ZMAT3: variants seen among roughly 807,000 people sequenced by gnomAD.
The protein encoded by ZMAT3 is zinc finger matrin-type 3.
Under a neutral mutation model 32.3 loss-of-function variants are expected in ZMAT3, and 17 were observed. The ratio of observed to expected loss-of-function variants is 0.53; its 90% CI spans 0.36 to 0.79. The LOEUF (loss-of-function observed/expected upper bound fraction) is 0.79, where lower values mean the gene tolerates loss of function less well. ZMAT3 is among the 30% of genes least tolerant of loss of function. ZMAT3 has a pLI of 0.00. For missense variants in ZMAT3, 329 were observed against 359.7 expected (o/e 0.91, Z 0.69); for synonymous variants, 120 against 133.1 (o/e 0.90, Z 0.68).
intron 2 of ZMAT3, among the ~76,000 whole-genome samples, chr3:179,060,126 T>G (rs1056121153): frequency 6.6e-6 from 1 of 152,072 alleles, no homozygotes; most frequent in African/African-American, 2.4e-5. Flanking sequence ...GTTTTCACTC[T>G]ATTTCACTCT....
At position 179,023,689 on chromosome 3, in the gene ZMAT3, A is replaced by AATATATAAATATATATATATATAT. The variant is rs1232846996; in HGVS notation, c.*1327_*1328insATATATATATATATATTTATATAT. On this transcript the variant is annotated 3_prime_UTR_variant, in exon 6 of 6. Coordinates refer to ENST00000311417, the MANE Select transcript of ZMAT3 (RefSeq NM_022470.4). The stretch of plus-strand genomic sequence containing the variant: ...CTTTGTTTCCTAAAAACTGCTGGAA[A>AATATATAAATATATATATATATAT]ATATATCTATATATATATATATTTT... 1.7e-3 allele frequency: 70 copies of AATATATAAATATATATATATATAT among 42,260 alleles called. 11 individuals are homozygous for AATATATAAATATATATATATATAT. The highest frequency in any genetic ancestry group is 8.2e-3 in the African/African-American group (61 of 7,448). 2.6% of individuals were successfully genotyped at this position (42,260 alleles called of 1,614,324 possible).
rs1267428712 is a variant in ZMAT3 at position 179,024,546 on chromosome 3, G to A, written c.*471C>T. The A allele has an allele frequency of 1.2e-5, 2 of 161,766 alleles. No homozygotes were observed. Among genetic ancestry groups the A allele is most frequent in the South Asian group, 1.7e-4 (1 of 6,002 alleles). 10.0% of individuals were successfully genotyped at this position (161,766 alleles called of 1,614,324 possible). A position where few individuals can be genotyped will look rare whatever the true frequency, so the allele number is the denominator to read the frequency against. The stretch of plus-strand genomic sequence containing the variant: ...ATGTATTCTACTGACAATGCATTGA[G>A]GTGGCGGTTCTGGTTAAGCCCTGGG... On this transcript the variant is annotated 3_prime_UTR_variant, in exon 6 of 6. Transcript: ENST00000311417.
chr3:179,048,234 T>C (rs1255224508), intron 2 of ZMAT3, among the ~76,000 whole-genome samples: 1 of 152,186 alleles, frequency 6.6e-6, no homozygotes, highest in African/African-American at 2.4e-5. Flanking sequence ...TTGCAAAACA[T>C]ATTTGAGGGA....
chr3:179,050,120 T>G (rs1169651471), intron 2 of ZMAT3, among the ~76,000 whole-genome samples: 1 of 143,736 alleles, frequency 7.0e-6, no homozygotes, highest in African/African-American at 2.6e-5. Flanking sequence ...AAAGAAATAG[T>G]CAAGATCAGA....
intron 1 of ZMAT3, among the ~76,000 whole-genome samples, chr3:179,070,352 GA>G (rs1300286181): frequency 6.6e-6 from 1 of 152,106 alleles, no homozygotes; most frequent in Non-Finnish European, 1.5e-5. Context: ...CTGATTTAAA[GA>G]AAAAATTCTT....
chr3:179,047,664 C>T (rs2108565292), intron 2 of ZMAT3, among the ~76,000 whole-genome samples: 1 of 151,306 alleles, frequency 6.6e-6, no homozygotes, highest in East Asian at 2.0e-4. Context: ...ACCAGCCTGA[C>T]CAACATGGTG....
At position 179,071,595 on chromosome 3, in the gene ZMAT3, C is replaced by G. The variant is rs1168260887; in HGVS notation, c.-58G>C. Reference sequence around the variant, plus strand: ...GCGGCTCCCAATCGCCCGCACTTACCGGAACCCCCGGGACGCGCCGGCAGT... The same window carrying G: ...GCGGCTCCCAATCGCCCGCACTTACGGGAACCCCCGGGACGCGCCGGCAGT... On this transcript the variant is annotated splice_region_variant and 5_prime_UTR_variant, in exon 1 of 6. Coordinates refer to ENST00000311417, the MANE Select transcript of ZMAT3 (RefSeq NM_022470.4). 4 of 152,146 alleles carry G rather than the reference C, an allele frequency of 2.6e-5. No individual in the cohort carries two copies. Among genetic ancestry groups the G allele is most frequent in the African/African-American group, 7.2e-5 (3 of 41,440 alleles). 9.4% of individuals were successfully genotyped at this position (152,146 alleles called of 1,614,324 possible).
At chr3:179,065,863 G>A (rs548860440) in intron 2 of ZMAT3, among the ~76,000 whole-genome samples, 13 of 152,102 alleles carry the variant, frequency 8.5e-5, no homozygotes, top group Middle Eastern at 3.4e-3. Context: ...CCAAGATCGC[G>A]CCACTGCACT....
chr3:179,020,853 GATGT>G lies in ZMAT3; in HGVS notation c.*4160_*4163del, dbSNP rs1718508306. Reference sequence around the variant, plus strand: ...CCCAGCCAATTCAAGAGTGAAGGAAGATGTAACCAGACATACATATCTCCCTTTC... The same window carrying G: ...CCCAGCCAATTCAAGAGTGAAGGAAGAACCAGACATACATATCTCCCTTTC... On this transcript the variant is annotated 3_prime_UTR_variant, in exon 6 of 6. Transcript: ENST00000311417. The G allele has an allele frequency of 6.6e-6, 1 of 152,234 alleles. No homozygotes were observed. The highest frequency in any genetic ancestry group is 2.4e-5 in the African/African-American group (1 of 41,466). The allele number at this position is 152,234 out of a possible 1,614,324, so 9.4% of individuals were successfully genotyped here.
chr3:179,040,923 G>A (rs1416854508), intron 2 of ZMAT3, among the ~76,000 whole-genome samples: 1 of 149,052 alleles, frequency 6.7e-6, no homozygotes, highest in Non-Finnish European at 1.5e-5. Flanking sequence ...AAAAGCAGGG[G>A]TAACAATCCT....
intron 2 of ZMAT3, among the ~76,000 whole-genome samples, chr3:179,053,184 T>C (rs1242779193): frequency 6.6e-6 from 1 of 150,836 alleles, no homozygotes; most frequent in Non-Finnish European, 1.5e-5. Context: ...GGTATAGATA[T>C]AGAATATCTA....
chr3:179,042,835 A>C (rs772720213), intron 2 of ZMAT3, among the ~76,000 whole-genome samples: 18 of 152,218 alleles, frequency 1.2e-4, no homozygotes, highest in Non-Finnish European at 2.6e-4. Context: ...CCATTGTCTC[A>C]GCCCAAAATC....
At position 179,030,915 on chromosome 3, in the gene ZMAT3, G is replaced by C. The variant is rs1719148294; in HGVS notation, c.355C>G (p.Pro119Ala). The change falls in exon 3 of 6, where the codon CCT becomes GCT. Residue 119 changes from proline (P) to alanine (A), a missense_variant. Pro to Ala is a conservative substitution (Grantham distance 27, BLOSUM62 -1). Coordinates refer to ENST00000311417, the MANE Select transcript of ZMAT3 (RefSeq NM_022470.4). ...PPARMSNVVE[P>A]AATPVVPVPP... Reference sequence around the variant, plus strand: ...ACTGGAACAACTGGAGTAGCTGCAGGCTCGACCACATTGCTCATTCTAGCA... The same window carrying C: ...ACTGGAACAACTGGAGTAGCTGCAGCCTCGACCACATTGCTCATTCTAGCA... 1.9e-6 allele frequency: 3 copies of C among 1,613,668 alleles called. No homozygotes were observed. The highest frequency in any genetic ancestry group is 3.3e-5 in the Admixed American group (2 of 59,964).
At chr3:179,049,759 A>G (rs1209486017) in intron 2 of ZMAT3, among the ~76,000 whole-genome samples, 1 of 152,084 alleles carries the variant, frequency 6.6e-6, no homozygotes, top group Non-Finnish European at 1.5e-5. Context: ...TTGGGAGGCC[A>G]AGGCAGGCGG....
intron 2 of ZMAT3, among the ~76,000 whole-genome samples, chr3:179,062,559 G>C (rs538605086): frequency 6.6e-6 from 1 of 152,270 alleles, no homozygotes; most frequent in African/African-American, 2.4e-5. Context: ...ATCACAGAGA[G>C]CTTCTGTCCT....
At chr3:179,032,569 C>T (rs980356134) in intron 2 of ZMAT3, among the ~76,000 whole-genome samples, 1 of 151,838 alleles carries the variant, frequency 6.6e-6, no homozygotes. Flanking sequence ...GCGTCTCTGC[C>T]CGGCCACCCA....
intron 2 of ZMAT3, among the ~76,000 whole-genome samples, chr3:179,031,546 A>G (rs1719194507): frequency 6.6e-6 from 1 of 152,222 alleles, no homozygotes; most frequent in Non-Finnish European, 1.5e-5. Context: ...TAACAGAACA[A>G]TTAAATTTTT....
chr3:179,064,604 G>C (rs922650212), intron 2 of ZMAT3, among the ~76,000 whole-genome samples: 2 of 152,054 alleles, frequency 1.3e-5, no homozygotes, highest in African/African-American at 4.8e-5. Context: ...TAATTTCCTT[G>C]TATTTTTGTA....
Position 179,067,760 on chromosome 3 carries a change from G to GTA in ZMAT3, c.-9_-8insTA. On this transcript the variant is annotated 5_prime_UTR_variant, in exon 2 of 6. Coordinates refer to ENST00000311417, the MANE Select transcript of ZMAT3 (RefSeq NM_022470.4). ...GTGTTGCAAGAGGATCATTGGGTAG[G>GTA]GAAGCCTGGGGCATAATCCAGTGGG... 1 of 1,613,242 alleles carries GTA rather than the reference G, an allele frequency of 6.2e-7. No homozygotes were observed. Among genetic ancestry groups the GTA allele is most frequent in the Non-Finnish European group, 8.5e-7 (1 of 1,179,476 alleles).
Sources: gnomAD v4.1 joint callset for allele counts (sites outside exome capture counted in the v4.1 genomes callset) on GRCh38, gnomAD v4.1.1 for gene constraint, MANE v1.5 for transcripts, NCBI Gene and HGNC (gene_info 2026-07-23, HGNC 2026-07-21) for gene names.